The following ADD1 variants were observed in gnomAD, a reference collection of about 807,000 sequenced individuals.
ADD1 encodes the protein alpha-adducin.
Under a neutral mutation model 80.5 loss-of-function variants are expected in ADD1, and 24 were observed. The ratio of observed to expected loss-of-function variants is 0.30; its 90% CI spans 0.22 to 0.42. The LOEUF is 0.42. Among genes scored for constraint, ADD1 ranks in the 10% least tolerant of loss-of-function variants. ADD1 has a pLI of 1.00. For missense variants in ADD1, 948 were observed against 1,019.0 expected (o/e 0.93, Z 0.95); for synonymous variants, 373 against 393.8 (o/e 0.95, Z 0.63).
At chr4:2,844,171 G>GCGC (rs1725812118) in intron 1 of ADD1, 147 bp downstream of exon 1, 1 of 149,868 alleles carries the variant, frequency 6.7e-6, no homozygotes, top group Non-Finnish European at 1.5e-5. Flanking sequence ...GGCCGCTGCG[G>GCGC]CGCCGAGGGC....
At chr4:2,888,172 G>A (rs982886140) in intron 4 of ADD1, among the ~76,000 whole-genome samples, 1 of 151,510 alleles carries the variant, frequency 6.6e-6, no homozygotes, top group Admixed American at 6.6e-5. Context: ...TGATCCTCCT[G>A]CCTCAGCCTC....
At chr4:2,924,246 A>G (rs1740587187) in intron 14 of ADD1, among the ~76,000 whole-genome samples, 1 of 152,192 alleles carries the variant, frequency 6.6e-6, no homozygotes, top group Non-Finnish European at 1.5e-5. Flanking sequence ...TTCAAATGTC[A>G]GGCTTTGAAA....
intron 12 of ADD1, 24 bp from the exon 13 acceptor site, chr4:2,909,315 T>A: frequency 7.2e-6 from 11 of 1,538,384 alleles, no homozygotes; most frequent in Non-Finnish European, 8.8e-6. Context: ...TGGTGTGCTC[T>A]GGTGACTCAG....
chr4:2,880,103 T>C (rs1461917792), intron 2 of ADD1, among the ~76,000 whole-genome samples: 1 of 152,172 alleles, frequency 6.6e-6, no homozygotes, highest in Admixed American at 6.5e-5. Flanking sequence ...TGTTTTGTTT[T>C]TTTCCTTTGT....
chr4:2,895,499 TG>T (rs1308892595), intron 6 of ADD1, among the ~76,000 whole-genome samples: 2 of 151,760 alleles, frequency 1.3e-5, no homozygotes, highest in Non-Finnish European at 2.9e-5. Context: ...GGGGACGAGC[TG>T]GGGAAAGGGA....
chr4:2,894,745 C>G lies in ADD1; in HGVS notation c.741+14C>G. On this transcript the variant is annotated intron_variant, in intron 6 of 15. Coordinates refer to ENST00000683351, the MANE Select transcript of ADD1 (RefSeq NM_001354761.2). ...GCAGGGGCTGCGGTGAGTGGCTGCC[C>G]TGGTAGCATCTCAAGGTCTAAAGCT... 6.3e-7 allele frequency: 1 copy of G among 1,586,302 alleles called. No individual in the cohort carries two copies. The highest frequency in any genetic ancestry group is 8.5e-7 in the Non-Finnish European group (1 of 1,171,548).
chr4:2,894,084 A>C lies in ADD1; in HGVS notation c.582A>C (p.Ala194=). ...GGCTTCTTTACAGTGAAGTGACTGC[A>C]TCCAGTTTGGTAAGAATGTCCTTCT... ...PFGLLYSEVT[A]SSLVKINLQG... Residue 194 remains alanine (A), a synonymous_variant, in exon 5 of 16, where the codon GCA becomes GCC. Coordinates refer to ENST00000683351, the MANE Select transcript of ADD1 (RefSeq NM_001354761.2). 1 of 1,613,868 alleles carries C rather than the reference A, an allele frequency of 6.2e-7. No individual in the cohort carries two copies. The highest frequency in any genetic ancestry group is 1.3e-5 in the African/African-American group (1 of 75,052).
rs889630170 is a variant in ADD1, at chr4:2,908,496, C to T, written c.1609-19C>T. The T allele has an allele frequency of 1.9e-6, 3 of 1,609,954 alleles. No individual in the cohort carries two copies. The African/African-American group carries it at 4.0e-5, about 21-fold the overall frequency. ...GCTGCTCAGGACTGTTGATGTGTGCCTCTCCTTCCCACCCTCAGATCCGAG... is the reference window on the plus strand; with the variant it reads ...GCTGCTCAGGACTGTTGATGTGTGCTTCTCCTTCCCACCCTCAGATCCGAG... On this transcript the variant is annotated intron_variant, in intron 11 of 15. Transcript: ENST00000683351.
chr4:2,903,958 C>T (rs998397123), intron 9 of ADD1, among the ~76,000 whole-genome samples: 3 of 152,100 alleles, frequency 2.0e-5, no homozygotes, highest in Non-Finnish European at 2.9e-5. Context: ...TGTATTCAGA[C>T]GTAAAGTAAT....
At chr4:2,860,551 A>T (rs937314942) in intron 1 of ADD1, among the ~76,000 whole-genome samples, 1 of 152,190 alleles carries the variant, frequency 6.6e-6, no homozygotes, top group Admixed American at 6.5e-5. Context: ...GTTAGTCCAA[A>T]ATGTTAGATC....
chr4:2,910,041 C>G (rs969179331), intron 13 of ADD1, among the ~76,000 whole-genome samples: 3 of 145,710 alleles, frequency 2.1e-5, no homozygotes, highest in Non-Finnish European at 4.5e-5. Flanking sequence ...GAGTCTGAAA[C>G]CCCTCACTGT....
chr4:2,872,260 A>G (rs1730571312), intron 1 of ADD1, among the ~76,000 whole-genome samples: 1 of 152,226 alleles, frequency 6.6e-6, no homozygotes, highest in South Asian at 2.1e-4. Context: ...GATTTCATTA[A>G]TTTAGCTATC....
In ADD1 at chr4:2,928,679, T is replaced by C; in HGVS notation, c.*156T>C. On this transcript the variant is annotated 3_prime_UTR_variant, in exon 16 of 16. Transcript: ENST00000683351. ...TGACCAGCCCCGTGTAGCCCCGGGC[T>C]GACCCAGTGTGTGCTCAGCAGCCCC... 1 of 735,640 alleles carries C rather than the reference T, an allele frequency of 1.4e-6. No homozygotes were observed. The highest frequency in any genetic ancestry group is 2.8e-5 in the East Asian group (1 of 35,112). 45.6% of individuals were successfully genotyped at this position (735,640 alleles called of 1,614,324 possible). A position where few individuals can be genotyped will look rare whatever the true frequency, so the allele number is the denominator to read the frequency against.
At chr4:2,918,662 GCT>G (rs1739477317) in intron 14 of ADD1, among the ~76,000 whole-genome samples, 1 of 152,050 alleles carries the variant, frequency 6.6e-6, no homozygotes, top group East Asian at 1.9e-4. Context: ...GTCATAAATA[GCT>G]CTTATTATTT....
chr4:2,894,105 CT>C lies in ADD1; in HGVS notation c.591+14del. 2 of 1,608,684 alleles carry C rather than the reference CT, an allele frequency of 1.2e-6. No individual in the cohort carries two copies. The highest frequency in any genetic ancestry group is 1.7e-6 in the Non-Finnish European group (2 of 1,175,104). On this transcript the variant is annotated intron_variant, in intron 5 of 15. Coordinates refer to ENST00000683351, the MANE Select transcript of ADD1 (RefSeq NM_001354761.2). ...CTGCATCCAGTTTGGTAAGAATGTC[CT>C]TCTCTTTGGCAGCTTGTATGTGCAG...
At chr4:2,846,973 T>C (rs943129625) in intron 1 of ADD1, among the ~76,000 whole-genome samples, 1 of 151,816 alleles carries the variant, frequency 6.6e-6, no homozygotes, top group Non-Finnish European at 1.5e-5. Flanking sequence ...AAAAATTAGC[T>C]GGGCGTGGTG....
chr4:2,901,964 A>G (rs998465737), intron 9 of ADD1: 3 of 150,190 alleles, frequency 2.0e-5, no homozygotes, highest in Non-Finnish European at 3.0e-5. Flanking sequence ...CATGTTGCCT[A>G]GGCTGGTGTT....
chr4:2,864,445 G>A (rs1320084629), intron 1 of ADD1, among the ~76,000 whole-genome samples: 2 of 151,970 alleles, frequency 1.3e-5, no homozygotes, highest in African/African-American at 4.8e-5. Flanking sequence ...ACAAAAAACA[G>A]GATTTATATT....
intron 15 of ADD1, among the ~76,000 whole-genome samples, chr4:2,927,245 G>A (rs1000824217): frequency 3.0e-4 from 45 of 152,208 alleles, no homozygotes; most frequent in African/African-American, 7.2e-5. Flanking sequence ...GGGGAGCGGC[G>A]CCTGTGTGCC....
Sources: gnomAD v4.1 joint callset for allele counts (sites outside exome capture counted in the v4.1 genomes callset) on GRCh38, gnomAD v4.1.1 for gene constraint, MANE v1.5 for transcripts, NCBI Gene and HGNC (gene_info 2026-07-23, HGNC 2026-07-21) for gene names.